IL34: variants seen among roughly 807,000 people sequenced by gnomAD.
IL34 encodes interleukin 34.
A neutral mutation model predicts 25.3 loss-of-function variants in IL34; 17 were observed. The ratio of observed to expected loss-of-function variants is 0.67; its 90% confidence interval spans 0.46 to 1.01. IL34 has a LOEUF of 1.01. Ranked by LOEUF, IL34 falls within the 50% of genes least tolerant of loss-of-function variation. IL34 has a pLI of 0.00. For missense variants in IL34, 368 were observed against 312.9 expected (o/e 1.18, Z -1.33); for synonymous variants, 174 against 140.9 (o/e 1.23, Z -1.66).
chr16:70,654,474 G>C, intron 1 of IL34, 64 bp from the exon 2 acceptor site: 2 of 1,526,392 alleles, frequency 1.3e-6, no homozygotes, highest in Non-Finnish European at 1.8e-6. Flanking sequence ...TCGGCTTTGC[G>C]TGTTGTGGAC....
intron 2 of IL34, among the ~76,000 whole-genome samples, chr16:70,656,089 C>T (rs983250407): frequency 1.3e-5 from 2 of 152,158 alleles, no homozygotes; most frequent in African/African-American, 4.8e-5. Context: ...GAAATTTCTG[C>T]CTTAACAGGA....
intron 1 of IL34, among the ~76,000 whole-genome samples, chr16:70,648,335 G>A (rs556110608): frequency 3.3e-5 from 5 of 152,164 alleles, no homozygotes; most frequent in Admixed American, 6.5e-5. Flanking sequence ...GCAGGAGGAC[G>A]GCTTGAGGCC....
At chr16:70,611,329 A>T (rs1313499015) in intron 1 of IL34, among the ~76,000 whole-genome samples, 2 of 151,826 alleles carry the variant, frequency 1.3e-5, no homozygotes, top group Non-Finnish European at 2.9e-5. Flanking sequence ...GTGAAGGGGG[A>T]GGGGCTGCCA....
intron 1 of IL34, 79 bp downstream of exon 1, chr16:70,647,054 C>G: frequency 8.0e-7 from 1 of 1,246,974 alleles, no homozygotes; most frequent in Non-Finnish European, 1.1e-6. Context: ...CCATAGCAAC[C>G]AGGGCATTCT....
upstream of IL34, among the ~76,000 whole-genome samples, chr16:70,645,869 A>G (rs1480391946): frequency 6.6e-6 from 1 of 152,146 alleles, no homozygotes; most frequent in African/African-American, 2.4e-5. Flanking sequence ...CCTGGCCAAC[A>G]TGGTGAAACC....
upstream of IL34, among the ~76,000 whole-genome samples, chr16:70,644,727 AG>A (rs1176471202): frequency 5.8e-5 from 2 of 34,266 alleles, no homozygotes; most frequent in Non-Finnish European, 1.2e-4. Flanking sequence ...GAGGAGGGGG[AG>A]GGGGAAGAGG....
At position 70,625,796 on chromosome 16, in the gene IL34, A is replaced by G. The variant is rs1179709493; in HGVS notation, c.-400-20752A>G. On this transcript the variant is annotated intron_variant, in intron 1 of 6. Transcript: ENST00000429149. ...AGGGAGAGATTGAAGTGTGACGCCAAGATTGAAAGGAGAAAGAGGTTGAGG... is the reference window on the plus strand; with the variant it reads ...AGGGAGAGATTGAAGTGTGACGCCAGGATTGAAAGGAGAAAGAGGTTGAGG... Among the ~76,000 whole-genome samples, 5 of 152,344 alleles carry G rather than the reference A, an allele frequency of 3.3e-5. No homozygotes were observed. The East Asian group carries it at 9.6e-4, about 29-fold the overall frequency.
intron 1 of IL34, among the ~76,000 whole-genome samples, chr16:70,586,510 C>T (rs113470701): frequency 0.089 from 13,512 of 152,042 alleles, 1,411 homozygotes; most frequent in African/African-American, 0.23. Context: ...GAGCTGTGTT[C>T]GCGCCACTGC....
chr16:70,621,618 C>T (rs1056452783), intron 1 of IL34, among the ~76,000 whole-genome samples: 3 of 152,096 alleles, frequency 2.0e-5, no homozygotes, highest in Admixed American at 6.5e-5. Flanking sequence ...ATTTCATGCG[C>T]GTCCGTGTGA....
At chr16:70,644,930 GGAGGAA>G (rs2051882584), upstream of IL34, among the ~76,000 whole-genome samples, 1 of 39,556 alleles carries the variant, frequency 2.5e-5, no homozygotes, top group Non-Finnish European at 4.6e-5. Flanking sequence ...GGAGGAGGAA[GGAGGAA>G]GAGGAGGAAG....
At chr16:70,605,969 G>GTTTTTTTTTTTTTTT (rs77101515) in intron 1 of IL34, among the ~76,000 whole-genome samples, 2 of 123,222 alleles carry the variant, frequency 1.6e-5, no homozygotes, top group Non-Finnish European at 3.3e-5. Context: ...ACCGCACCTG[G>GTTTTTTTTTTTTTTT]TTTTTTTTTT....
intron 1 of IL34, among the ~76,000 whole-genome samples, chr16:70,623,480 G>A (rs1331469724): frequency 1.3e-5 from 2 of 152,102 alleles, no homozygotes; most frequent in Non-Finnish European, 2.9e-5. Context: ...AGGCCATGCT[G>A]TAGCAGGCGA....
intron 1 of IL34, among the ~76,000 whole-genome samples, chr16:70,613,472 G>A (rs11646851): frequency 0.066 from 10,041 of 152,184 alleles, 401 homozygotes; most frequent in Non-Finnish European, 0.074. Context: ...TTTCCAAGGC[G>A]CAGTTTCCTC....
rs3058045 is a variant in IL34 at position 70,602,583 on chromosome 16, A to ATGTGTGTGTGTGTG, written c.-401+22562_-401+22575dup. ...GTGAGAATTCCTAGCTTTGGAATTG[A>ATGTGTGTGTGTGTG]TGTGTGTGTGTGTGTGTGTGTGTGT... On this transcript the variant is annotated intron_variant, in intron 1 of 6. Coordinates refer to the IL34 transcript ENST00000429149. Among the ~76,000 whole-genome samples the ATGTGTGTGTGTGTG allele has an allele frequency of 1.1e-3, 146 of 135,022 alleles. 1 individual carries two copies. Among genetic ancestry groups the ATGTGTGTGTGTGTG allele is most frequent in the East Asian group, 3.4e-3 (15 of 4,368 alleles). The allele number at this position is 135,022 out of a possible 152,430, so 88.6% of individuals were successfully genotyped here. A position where few individuals can be genotyped will look rare whatever the true frequency, so the allele number is the denominator to read the frequency against.
intron 1 of IL34, among the ~76,000 whole-genome samples, chr16:70,618,715 G>A (rs903322199): frequency 3.3e-5 from 5 of 152,118 alleles, no homozygotes; most frequent in East Asian, 1.9e-4. Flanking sequence ...GAAGGTGCTG[G>A]GGTTTGAGAG....
chr16:70,625,492 C>G (rs896332691), intron 1 of IL34, among the ~76,000 whole-genome samples: 2 of 151,990 alleles, frequency 1.3e-5, no homozygotes, highest in Admixed American at 1.3e-4. Context: ...CCCAGAAAAG[C>G]AGAGAAGGGG....
Position 70,657,058 on chromosome 16 carries a change from C to A in IL34, c.339C>A (p.His113Gln). ...TGCAGGACGTGCTGCTCGAGGGCCA[C>A]CCATCCTGGAAGTACCTGCAGGAGG... ...ESVQDVLLEG[H>Q]PSWKYLQEVE... Residue 113 changes from histidine to glutamine, a missense_variant, in exon 4 of 6, where the codon CAC becomes CAA. Coordinates refer to ENST00000288098, the MANE Select transcript of IL34 (RefSeq NM_001393494.1). The A allele has an allele frequency of 6.8e-6, 11 of 1,613,032 alleles. No homozygotes were observed. Among genetic ancestry groups the A allele is most frequent in the Non-Finnish European group, 8.5e-6 (10 of 1,179,994 alleles).
At chr16:70,642,043 C>G (rs1034090832), upstream of IL34, among the ~76,000 whole-genome samples, 7 of 152,098 alleles carry the variant, frequency 4.6e-5, no homozygotes, top group Non-Finnish European at 1.0e-4. Flanking sequence ...TTTACCTGGC[C>G]TTCCATAAAA....
At position 70,659,710 on chromosome 16, in the gene IL34, G is replaced by A; in HGVS notation, c.495G>A (p.Leu165=). 1 of 1,610,460 alleles carries A rather than the reference G, an allele frequency of 6.2e-7. No individual in the cohort carries two copies. The highest frequency in any genetic ancestry group is 2.2e-5 in the East Asian group (1 of 44,792). ...AGCTGGTGCGGCCCAAAGCCCTGCT[G>A]GACAACTGCTTCCGGGTCATGGAGC... ...NLKLVRPKAL[L]DNCFRVMELL... is the part of the protein sequence containing the mutation. Residue 165 remains leucine (L), a synonymous_variant, in exon 5 of 6, where the codon CTG becomes CTA. Transcript: ENST00000288098.
Sources: allele counts gnomAD v4.1 joint callset (sites outside exome capture counted in the v4.1 genomes callset), GRCh38; gene constraint gnomAD v4.1.1; transcripts MANE v1.5; gene names NCBI Gene and HGNC (gene_info 2026-07-23, HGNC 2026-07-21).